The following SVEP1 variants were observed in gnomAD, a reference collection of about 807,000 sequenced individuals.
SVEP1 encodes sushi, von Willebrand factor type A, EGF and pentraxin domain-containing protein 1.
Under a neutral mutation model 367.3 loss-of-function variants are expected in SVEP1, and 164 were observed. That is an observed-to-expected ratio of 0.45 (90% CI 0.39 to 0.51). The LOEUF (loss-of-function observed/expected upper bound fraction) is 0.51, where lower values mean the gene tolerates loss of function less well. Ranked by LOEUF, SVEP1 falls within the 20% of genes least tolerant of loss-of-function variation. The pLI, the probability that SVEP1 is intolerant of heterozygous loss-of-function variation, is 0.00. For synonymous variants in SVEP1, 1,666 were observed against 1,611.6 expected, an observed-to-expected ratio of 1.03 and a Z score of -0.81; for missense variants, 4,117 against 4,425.3, an observed-to-expected ratio of 0.93 and a Z score of 1.98.
intron 40 of SVEP1, among the ~76,000 whole-genome samples, chr9:110,396,520 G>T (rs1214407497): frequency 6.6e-6 from 1 of 152,048 alleles, no homozygotes; most frequent in Non-Finnish European, 1.5e-5. Context: ...GAAGGAAATA[G>T]AGACACAAAA....
chr9:110,510,292 C>T (rs1370697000), intron 5 of SVEP1, among the ~76,000 whole-genome samples: 1 of 152,236 alleles, frequency 6.6e-6, no homozygotes, highest in African/African-American at 2.4e-5. Flanking sequence ...TTGTCAAGAA[C>T]TCCTCTGATC....
chr9:110,577,752 AC>A (rs1391397435), intron 1 of SVEP1, among the ~76,000 whole-genome samples: 1 of 151,822 alleles, frequency 6.6e-6, no homozygotes, highest in East Asian at 1.9e-4. Context: ...AGAAAAAAAA[AC>A]AAGCCAATGT....
chr9:110,400,309 C>T (rs17806502), intron 40 of SVEP1, among the ~76,000 whole-genome samples: 29,390 of 151,924 alleles, frequency 0.19, 2,999 homozygotes, highest in Middle Eastern at 0.32. Context: ...TTGTGGTTTG[C>T]GAACTTACTT....
At position 110,579,257 on chromosome 9, in the gene SVEP1, T is replaced by G; in HGVS notation, c.287A>C (p.Glu96Ala). The G allele has an allele frequency of 6.4e-7, 1 of 1,570,800 alleles. No individual in the cohort carries two copies. Among genetic ancestry groups the G allele is most frequent in the South Asian group, 1.2e-5 (1 of 85,436 alleles). Residue 96 changes from glutamate to alanine, a missense_variant, in exon 1 of 48, where the codon GAA becomes GCA. Physicochemically the swap from Glu to Ala is moderately radical, Grantham distance 107. Transcript: ENST00000374469. This position sits in a 1 kb window ranked among gnomAD's most constrained non-coding sequence, Gnocchi z 5.3. ...FLVDDSSSVG[E>A]VNFRSELMFV... ...CATGAGCTCGCTGCGGAAGTTGACT[T>G]CGCCCACGCTGGACGAATCATCCAC...
At chr9:110,465,508 T>C (rs973616716) in intron 18 of SVEP1, among the ~76,000 whole-genome samples, 1 of 152,126 alleles carries the variant, frequency 6.6e-6, no homozygotes, top group African/African-American at 2.4e-5. Flanking sequence ...TTTTTAGAGT[T>C]TCAAGAAACA....
rs769238424 is a variant in SVEP1, at chr9:110,404,500, T to C, written c.9493A>G (p.Lys3165Glu). Residue 3165 changes from lysine (K) to glutamate (E), a missense_variant, in exon 39 of 48, where the codon AAA becomes GAA. By Grantham distance (56) the Lys-to-Glu change is moderately conservative. Around this residue, in one of 4 missense-constraint regions of SVEP1, gnomAD observed 1,765 missense variants for 1,781.1 expected, o/e 0.99. Coordinates refer to ENST00000374469, the MANE Select transcript of SVEP1 (RefSeq NM_153366.4). ...DTDTDTFTCQ[K>E]DGRWFPERIS... Reference sequence around the variant, plus strand: ...CTCTCAGGGAACCAGCGACCATCTTTCTGACAGGTGAATGTATCTGTATCT... The same window carrying C: ...CTCTCAGGGAACCAGCGACCATCTTCCTGACAGGTGAATGTATCTGTATCT... The C allele has an allele frequency of 5.6e-6, 9 of 1,613,882 alleles. No individual in the cohort carries two copies. Among genetic ancestry groups the C allele is most frequent in the Non-Finnish European group, 7.6e-6 (9 of 1,179,896 alleles).
intron 38 of SVEP1, among the ~76,000 whole-genome samples, chr9:110,405,364 C>A (rs879861891): frequency 4.7e-5 from 7 of 149,684 alleles, no homozygotes; most frequent in Middle Eastern, 3.6e-3. Context: ...CAGCATAATT[C>A]ATATGTATTA....
intron 10 of SVEP1, among the ~76,000 whole-genome samples, chr9:110,482,736 C>T (rs1301476768): frequency 1.3e-5 from 2 of 152,158 alleles, no homozygotes; most frequent in African/African-American, 4.8e-5. Context: ...CCATGTTGGC[C>T]AGGCTGGTCT....
At chr9:110,515,457 C>G (rs1237346349) in intron 3 of SVEP1, among the ~76,000 whole-genome samples, 1 of 152,000 alleles carries the variant, frequency 6.6e-6, no homozygotes, top group African/African-American at 2.4e-5. Context: ...CCCGCCACCA[C>G]GCCTGGCTAA....
In SVEP1 at chr9:110,379,332, C is replaced by T. The variant is rs747573604; in HGVS notation, c.10408+15G>A. 1 of 1,611,312 alleles carries T rather than the reference C, an allele frequency of 6.2e-7. No homozygotes were observed. The highest frequency in any genetic ancestry group is 8.5e-7 in the Non-Finnish European group (1 of 1,178,370). On this transcript the variant is annotated intron_variant, in intron 44 of 47. Coordinates refer to ENST00000374469, the MANE Select transcript of SVEP1 (RefSeq NM_153366.4). ...GCAGTTTCACTAAGAAATAACCATT[C>T]AAATATTTCCTTACCTCTGCAAATA...
At chr9:110,535,578 T>A (rs1830068926) in intron 3 of SVEP1, among the ~76,000 whole-genome samples, 1 of 152,164 alleles carries the variant, frequency 6.6e-6, no homozygotes, top group Non-Finnish European at 1.5e-5. Flanking sequence ...AGGAATAGCA[T>A]TGAATCTGTA....
intron 18 of SVEP1, among the ~76,000 whole-genome samples, chr9:110,461,319 G>T (rs1341664025): frequency 2.6e-5 from 4 of 152,082 alleles, no homozygotes; most frequent in Non-Finnish European, 4.4e-5. Context: ...TCCTTTCCTT[G>T]GATAAACTGG....
chr9:110,566,989 T>A lies in SVEP1; in HGVS notation c.531+12024A>T, dbSNP rs146074191. ...AAAGTGATCTGAAGGATGAATTTGC[T>A]AAAATTATCCTATCATTTCAAAAGT... On this transcript the variant is annotated intron_variant, in intron 1 of 47. Coordinates refer to ENST00000374469, the MANE Select transcript of SVEP1 (RefSeq NM_153366.4). Among the ~76,000 whole-genome samples, 378 of 152,328 alleles carry A rather than the reference T, an allele frequency of 2.5e-3. 7 individuals carry two copies. The highest frequency in any genetic ancestry group is 8.8e-3 in the African/African-American group (366 of 41,584).
intron 13 of SVEP1, among the ~76,000 whole-genome samples, chr9:110,478,948 C>A (rs753354699): frequency 4.7e-5 from 7 of 150,076 alleles, no homozygotes; most frequent in Admixed American, 6.6e-5. Flanking sequence ...TAGACGGAGT[C>A]TTTCTCTGTT....
chr9:110,403,374 G>A (rs1031537895), intron 39 of SVEP1, among the ~76,000 whole-genome samples: 9 of 130,804 alleles, frequency 6.9e-5, no homozygotes, highest in Non-Finnish European at 1.2e-4. Flanking sequence ...GCGCAATCTC[G>A]GTTCACTGCA....
intron 38 of SVEP1, among the ~76,000 whole-genome samples, chr9:110,405,462 G>A (rs535288519): frequency 4.0e-5 from 6 of 150,484 alleles, no homozygotes; most frequent in Admixed American, 1.3e-4. Context: ...GATACTAGTA[G>A]GAATACAGCA....
intron 27 of SVEP1, among the ~76,000 whole-genome samples, chr9:110,442,016 G>C (rs997839934): frequency 1.1e-4 from 16 of 152,180 alleles, no homozygotes; most frequent in African/African-American, 3.6e-4. Context: ...CTGCATTTCA[G>C]ATACATCAAT....
At chr9:110,437,673 G>A (rs1416189231) in intron 27 of SVEP1, among the ~76,000 whole-genome samples, 1 of 151,930 alleles carries the variant, frequency 6.6e-6, no homozygotes, top group Non-Finnish European at 1.5e-5. Context: ...TTGGGGAATG[G>A]GTGGTTTTGG....
In SVEP1 at chr9:110,432,006, A is replaced by G. The variant is rs763934796; in HGVS notation, c.5262T>C (p.Asp1754=). ...TCAGGCAAGAAGCATGCTCACTACA[A>G]TCTGATCCAACTGCACACTCATCGA... ...LDVDECAVGS[D]CSEHASCLNV... Residue 1754 remains aspartate (D), a synonymous_variant, in exon 32 of 48, where the codon GAT becomes GAC. Transcript: ENST00000374469. 3.7e-6 allele frequency: 6 copies of G among 1,612,526 alleles called. No homozygotes were observed. Among genetic ancestry groups the G allele is most frequent in the East Asian group, 2.2e-5 (1 of 44,862 alleles).
Sources: allele counts gnomAD v4.1 joint callset (sites outside exome capture counted in the v4.1 genomes callset), GRCh38; gene constraint gnomAD v4.1.1; regional missense constraint gnomAD v4.1.1; non-coding constraint Gnocchi (gnomAD v3.1); transcripts MANE v1.5; gene names NCBI Gene and HGNC (gene_info 2026-07-23, HGNC 2026-07-21).